Variants in NAV2 observed in about 807,000 individuals in gnomAD.
NAV2 encodes the protein neuron navigator 2, also known as helicase, APC down-regulated 1.
A neutral mutation model predicts 223.2 loss-of-function variants in NAV2; 54 were observed. That is an observed-to-expected ratio of 0.24 (90% CI 0.19 to 0.30). The LOEUF (loss-of-function observed/expected upper bound fraction) is 0.30. NAV2 is among the 10% of genes least tolerant of loss of function. NAV2 has a pLI of 1.00. For synonymous variants in NAV2, 1,279 were observed against 1,239.3 expected (o/e 1.03, Z -0.67); for missense variants, 2,806 against 3,147.5 (o/e 0.89, Z 2.60).
chr11:20,079,039 C>T (rs1483206310), intron 24 of NAV2, among the ~76,000 whole-genome samples: 1 of 152,040 alleles, frequency 6.6e-6, no homozygotes, highest in African/African-American at 2.4e-5. Flanking sequence ...AGATGAGAGT[C>T]ACTTCCTTTT....
chr11:20,043,623 G>C (rs2057159113), intron 12 of NAV2, among the ~76,000 whole-genome samples: 3 of 151,958 alleles, frequency 2.0e-5, no homozygotes, highest in Admixed American at 2.0e-4. Context: ...TCTATTTTTT[G>C]TAGAGATGGG....
At chr11:20,041,375 C>T (rs188001097) in intron 12 of NAV2, among the ~76,000 whole-genome samples, 212 of 152,208 alleles carry the variant, frequency 1.4e-3, no homozygotes, top group African/African-American at 4.9e-3. Context: ...GTAATTTCCT[C>T]ATAGGTTTTT....
intron 14 of NAV2, among the ~76,000 whole-genome samples, chr11:20,046,596 TCACACACA>T (rs61668060): frequency 6.9e-6 from 1 of 145,862 alleles, no homozygotes; most frequent in Admixed American, 6.9e-5. Flanking sequence ...CCCCTCCCCA[TCACACACA>T]CACACACACA....
At chr11:19,349,758 T>G (rs1853196187), upstream of NAV2, among the ~76,000 whole-genome samples, 1 of 152,070 alleles carries the variant, frequency 6.6e-6, no homozygotes, top group African/African-American at 2.4e-5. Flanking sequence ...TATGGGAGGG[T>G]GTACCAAGTG....
intron 1 of NAV2, among the ~76,000 whole-genome samples, chr11:19,745,129 A>C (rs1164851418): frequency 6.6e-6 from 1 of 152,192 alleles, no homozygotes; most frequent in African/African-American, 2.4e-5. Flanking sequence ...TCCAGTAGTC[A>C]TGTGGGACAG....
chr11:19,601,674 T>G (rs146222165), intron 1 of NAV2, among the ~76,000 whole-genome samples: 1 of 152,218 alleles, frequency 6.6e-6, no homozygotes, highest in Non-Finnish European at 1.5e-5. Context: ...TGACAGTGAA[T>G]CTTGGTGGGG....
Position 19,761,230 on chromosome 11 carries a change from T to G in NAV2, c.267+47268T>G, listed in dbSNP as rs187426022. On this transcript the variant is annotated intron_variant, in intron 1 of 37. Coordinates refer to ENST00000349880, the MANE Select transcript of NAV2 (RefSeq NM_145117.5). The stretch of plus-strand genomic sequence containing the variant: ...ATTCACTCATTTATCTTCTTTTTAT[T>G]AAGTACCTACCATGTACCAGGCACT... 4.5e-3 allele frequency among the ~76,000 whole-genome samples: 681 copies of G among 152,284 alleles called. 4 individuals carry two copies. Among genetic ancestry groups the G allele is most frequent in the African/African-American group, 0.016 (649 of 41,564 alleles).
chr11:20,022,297 A>T (rs1432405444), intron 11 of NAV2, among the ~76,000 whole-genome samples: 1 of 152,174 alleles, frequency 6.6e-6, no homozygotes, highest in East Asian at 1.9e-4. Flanking sequence ...GGATTAGTCC[A>T]TGCAACCCCT....
chr11:19,523,206 C>T lies in NAV2; in HGVS notation c.75+172179C>T, dbSNP rs554713824. Among the ~76,000 whole-genome samples the T allele has an allele frequency of 1.1e-3, 164 of 152,344 alleles. 1 individual carries two copies. Among genetic ancestry groups the T allele is most frequent in the African/African-American group, 3.8e-3 (156 of 41,582 alleles). On this transcript the variant is annotated intron_variant, in intron 1 of 37. Coordinates refer to the NAV2 transcript ENST00000360655. ...ACCCAAGGCCCCCATCTCCTCCACA[C>T]GAACTCCCTTCTCCAGTGAAAACCG...
At chr11:19,615,950 C>A (rs1287845675) in intron 1 of NAV2, among the ~76,000 whole-genome samples, 1 of 152,164 alleles carries the variant, frequency 6.6e-6, no homozygotes, top group African/African-American at 2.4e-5. Flanking sequence ...ACCCCTAACC[C>A]TGTAAGCAGA....
intron 1 of NAV2, among the ~76,000 whole-genome samples, chr11:19,544,824 C>G (rs1739798540): frequency 6.6e-6 from 1 of 152,216 alleles, no homozygotes. Flanking sequence ...GTTAAGATTG[C>G]TGGCAAATCT....
intron 11 of NAV2, among the ~76,000 whole-genome samples, chr11:19,997,561 C>T (rs1313387906): frequency 2.0e-5 from 3 of 152,182 alleles, no homozygotes; most frequent in Non-Finnish European, 4.4e-5. Context: ...TACATACTAG[C>T]TTTAACCTCC....
Position 19,408,999 on chromosome 11 carries a change from A to T in NAV2, c.75+57972A>T, listed in dbSNP as rs191574407. On this transcript the variant is annotated intron_variant, in intron 1 of 37. Coordinates refer to the NAV2 transcript ENST00000360655. ...AAGCTAAAGGTTACCCTGTTAATTA[A>T]ATGGGGGGTGGGGAGAGGGGGGCTC... Among the ~76,000 whole-genome samples the T allele has an allele frequency of 1.2e-4, 16 of 134,934 alleles. No individual in the cohort carries two copies. In the East Asian group the frequency reaches 4.3e-3, roughly 36 times the overall value. The allele number at this position is 134,934 out of a possible 152,430, so 88.5% of individuals were successfully genotyped here. A position where few individuals can be genotyped will look rare whatever the true frequency, so the allele number is the denominator to read the frequency against.
In NAV2 at chr11:19,890,400, C is replaced by T. The variant is rs79166521; in HGVS notation, c.771-2034C>T. Among the ~76,000 whole-genome samples the T allele has an allele frequency of 8.4e-3, 1,274 of 152,338 alleles. 9 individuals carry two copies. The highest frequency in any genetic ancestry group is 0.019 in the South Asian group (91 of 4,822). On this transcript the variant is annotated intron_variant, in intron 5 of 37. Coordinates refer to ENST00000349880, the MANE Select transcript of NAV2 (RefSeq NM_145117.5). ...AATCTGCTGTGGTTCAGCCTAGGGT[C>T]AGCACAGCAGGGGCTCTCCAGCAAC...
rs2046632172 is a variant in NAV2 at position 19,944,060 on chromosome 11, G to GTGTGGTGGCGGGCGCC, written c.2147-2337_2147-2322dup. ...TAAAAACAAAAAAAAATTTAGCCGG[G>GTGTGGTGGCGGGCGCC]TGTGGTGGCGGGCGCCTGTTATCCC... On this transcript the variant is annotated intron_variant, in intron 8 of 37. Coordinates refer to ENST00000349880, the MANE Select transcript of NAV2 (RefSeq NM_145117.5). Among the ~76,000 whole-genome samples, 3 of 152,126 alleles carry GTGTGGTGGCGGGCGCC rather than the reference G, an allele frequency of 2.0e-5. No homozygotes were observed. The South Asian group carries it at 6.2e-4, about 32-fold the overall frequency.
chr11:19,805,659 C>A (rs1289052544), intron 1 of NAV2, among the ~76,000 whole-genome samples: 1 of 152,228 alleles, frequency 6.6e-6, no homozygotes, highest in Non-Finnish European at 1.5e-5. Flanking sequence ...GCTGCCTTTC[C>A]TTATCAGGCT....
intron 25 of NAV2, among the ~76,000 whole-genome samples, chr11:20,081,411 A>T (rs1198652109): frequency 1.3e-5 from 2 of 152,250 alleles, no homozygotes; most frequent in African/African-American, 4.8e-5. Flanking sequence ...TTCTTCAAGA[A>T]ATAAAACGTG....
intron 6 of NAV2, among the ~76,000 whole-genome samples, chr11:19,919,862 G>A (rs922255811): frequency 1.3e-5 from 2 of 152,102 alleles, no homozygotes; most frequent in Admixed American, 6.5e-5. Context: ...GGCCAGACAC[G>A]GTGGCTCACG....
In NAV2 at chr11:19,796,712, C is replaced by A. The variant is rs1476676490; in HGVS notation, c.268-35772C>A. ...TAGCATTGTACTACTCCATCTCTGA[C>A]TTTTTCTCATCCAAACCTTACTACC... On this transcript the variant is annotated intron_variant, in intron 1 of 37. Coordinates refer to ENST00000349880, the MANE Select transcript of NAV2 (RefSeq NM_145117.5). 2.6e-5 allele frequency among the ~76,000 whole-genome samples: 4 copies of A among 152,292 alleles called. No individual in the cohort carries two copies. The South Asian group carries it at 8.3e-4, about 32-fold the overall frequency.
Sources: gnomAD v4.1 joint callset for allele counts (sites outside exome capture counted in the v4.1 genomes callset) on GRCh38, gnomAD v4.1.1 for gene constraint, MANE v1.5 for transcripts, NCBI Gene and HGNC (gene_info 2026-07-23, HGNC 2026-07-21) for gene names.